PARD3: variants seen among roughly 807,000 people sequenced by gnomAD.
PARD3 encodes partitioning defective 3 homolog.
PARD3 carries 75 observed loss-of-function variants against 155.4 expected under a neutral mutation model. The ratio of observed to expected loss-of-function variants is 0.48; its 90% CI spans 0.40 to 0.58. PARD3 has a LOEUF of 0.58. Ranked by LOEUF, PARD3 falls within the 20% of genes least tolerant of loss-of-function variation. The pLI is 0.00. For synonymous variants in PARD3, 576 were observed against 610.5 expected (o/e 0.94, Z 0.83); for missense variants, 1,642 against 1,721.7 (o/e 0.95, Z 0.82).
intron 1 of PARD3, among the ~76,000 whole-genome samples, chr10:34,789,534 C>CA (rs917848239): frequency 4.3e-4 from 60 of 139,822 alleles, no homozygotes; most frequent in South Asian, 1.8e-3. Context: ...CCTGTCTCTA[C>CA]AAAAAAAAAA....
chr10:34,678,967 C>T (rs1367881938), intron 2 of PARD3, among the ~76,000 whole-genome samples: 1 of 152,052 alleles, frequency 6.6e-6, no homozygotes, highest in Non-Finnish European at 1.5e-5. Flanking sequence ...AGAGTAATAC[C>T]TCTTTGCAGG....
intron 2 of PARD3, among the ~76,000 whole-genome samples, chr10:34,557,171 C>A (rs2085072705): frequency 6.6e-6 from 1 of 152,106 alleles, no homozygotes; most frequent in African/African-American, 2.4e-5. Flanking sequence ...GTGGGCTACT[C>A]CTCCTGTTAG....
intron 2 of PARD3, among the ~76,000 whole-genome samples, chr10:34,584,405 T>G (rs2087802629): frequency 1.3e-5 from 2 of 152,156 alleles, no homozygotes; most frequent in Non-Finnish European, 2.9e-5. Flanking sequence ...TGTAAGGCAT[T>G]TGTTAGGATA....
chr10:34,483,352 C>G (rs548012255), intron 3 of PARD3, among the ~76,000 whole-genome samples: 9 of 151,970 alleles, frequency 5.9e-5, no homozygotes, highest in African/African-American at 2.2e-4. Flanking sequence ...CACAGTGGCA[C>G]GCATCTGTGG....
intron 2 of PARD3, among the ~76,000 whole-genome samples, chr10:34,679,640 C>T (rs1465565140): frequency 6.6e-6 from 1 of 152,168 alleles, no homozygotes; most frequent in Non-Finnish European, 1.5e-5. Context: ...GAGTCTGGAA[C>T]GCCACCTCCC....
intron 2 of PARD3, among the ~76,000 whole-genome samples, chr10:34,546,708 A>G (rs1025703592): frequency 6.6e-6 from 1 of 152,178 alleles, no homozygotes; most frequent in African/African-American, 2.4e-5. Flanking sequence ...CCACCTCATC[A>G]ATAAGTTCCA....
chr10:34,523,561 C>A (rs959885186), intron 2 of PARD3, among the ~76,000 whole-genome samples: 2 of 152,154 alleles, frequency 1.3e-5, no homozygotes, highest in African/African-American at 4.8e-5. Context: ...TGAGCAGCCT[C>A]CATGAGTCAA....
chr10:34,394,466 T>C (rs1589419159), intron 7 of PARD3, among the ~76,000 whole-genome samples: 1 of 152,068 alleles, frequency 6.6e-6, no homozygotes, highest in Non-Finnish European at 1.5e-5. Flanking sequence ...GCTGGGACCA[T>C]AGGTGTATGC....
At chr10:34,689,933 TGTTATTTA>T (rs1315942959) in intron 2 of PARD3, among the ~76,000 whole-genome samples, 1 of 150,940 alleles carries the variant, frequency 6.6e-6, no homozygotes, top group Non-Finnish European at 1.5e-5. Context: ...GATTTTTACA[TGTTATTTA>T]TTTATTTATT....
chr10:34,688,654 G>C (rs2093993842), intron 2 of PARD3, among the ~76,000 whole-genome samples: 2 of 152,104 alleles, frequency 1.3e-5, no homozygotes, highest in South Asian at 4.2e-4. Flanking sequence ...CAAGGGGCCA[G>C]GGTAATATAA....
intron 1 of PARD3, among the ~76,000 whole-genome samples, chr10:34,785,406 T>C (rs1840826967): frequency 6.6e-6 from 1 of 152,214 alleles, no homozygotes; most frequent in Admixed American, 6.5e-5. Context: ...TACAGAATAA[T>C]CTTCTTGAAG....
chr10:34,366,639 A>C (rs1224372253), intron 12 of PARD3, among the ~76,000 whole-genome samples: 1 of 152,232 alleles, frequency 6.6e-6, no homozygotes, highest in East Asian at 1.9e-4. Flanking sequence ...TTATTCAACA[A>C]ACAGAGATTA....
rs530876763 is a variant in PARD3 at position 34,208,168 on chromosome 10, C to T, written c.3419+61489G>A. Among the ~76,000 whole-genome samples, 53 of 152,230 alleles carry T rather than the reference C, an allele frequency of 3.5e-4. No homozygotes were observed. In the East Asian group the frequency reaches 0.01, roughly 29 times the overall value. On this transcript the variant is annotated intron_variant, in intron 22 of 24. Coordinates refer to ENST00000374788, the MANE Select transcript of PARD3 (RefSeq NM_001184785.2). ...ATGATTTACTTTTTTTCTTACATGT[C>T]TTCTAAAAAATAAAAGTCTCTGTCG...
At chr10:34,145,219 A>ATTTTTTTT (rs1482241627) in intron 22 of PARD3, among the ~76,000 whole-genome samples, 17 of 53,520 alleles carry the variant, frequency 3.2e-4, no homozygotes, top group African/African-American at 4.9e-4. Flanking sequence ...ATATATATAT[A>ATTTTTTTT]TATTTTTTTT....
At chr10:34,654,285 G>A (rs1389633533) in intron 2 of PARD3, among the ~76,000 whole-genome samples, 1 of 152,080 alleles carries the variant, frequency 6.6e-6, no homozygotes, top group Non-Finnish European at 1.5e-5. Flanking sequence ...CATGTATAAG[G>A]TGATATCATA....
chr10:34,422,592 A>C (rs1193423836), intron 5 of PARD3, among the ~76,000 whole-genome samples: 1 of 152,202 alleles, frequency 6.6e-6, no homozygotes, highest in Non-Finnish European at 1.5e-5. Flanking sequence ...AACAAAAAGA[A>C]AACAAATAAC....
intron 2 of PARD3, among the ~76,000 whole-genome samples, chr10:34,649,433 A>G (rs1281780561): frequency 2.0e-5 from 3 of 152,250 alleles, no homozygotes; most frequent in Admixed American, 1.3e-4. Context: ...AAACCTGTAC[A>G]ACGTGTTATT....
chr10:34,719,684 T>C (rs1327542293), intron 1 of PARD3, among the ~76,000 whole-genome samples: 1 of 152,170 alleles, frequency 6.6e-6, no homozygotes, highest in Non-Finnish European at 1.5e-5. Context: ...CCTCTTTCCT[T>C]CTCCCCTCCA....
chr10:34,670,142 A>G (rs1322004015), intron 2 of PARD3, among the ~76,000 whole-genome samples: 1 of 152,266 alleles, frequency 6.6e-6, no homozygotes, highest in African/African-American at 2.4e-5. Context: ...TATAAAGACC[A>G]TCTCTCTGGC....
Sources: allele counts gnomAD v4.1 joint callset (sites outside exome capture counted in the v4.1 genomes callset), GRCh38; gene constraint gnomAD v4.1.1; transcripts MANE v1.5; gene names NCBI Gene and HGNC (gene_info 2026-07-23, HGNC 2026-07-21).